Variants in UCHL1 observed in about 807,000 individuals in gnomAD.
UCHL1 encodes the protein ubiquitin C-terminal hydrolase L1.
A neutral mutation model predicts 33.3 loss-of-function variants in UCHL1; 5 were observed. The ratio of observed to expected loss-of-function variants is 0.15; its 90% CI spans 0.08 to 0.32. The LOEUF (loss-of-function observed/expected upper bound fraction) is 0.32, where lower values mean the gene tolerates loss of function less well. Among genes scored for constraint, UCHL1 ranks in the 10% least tolerant of loss-of-function variants. UCHL1 has a pLI of 1.00. For missense variants in UCHL1, 236 were observed against 280.0 expected, an observed-to-expected ratio of 0.84 and a Z score of 1.12; for synonymous variants, 132 against 108.8, an observed-to-expected ratio of 1.21 and a Z score of -1.33.
At chr4:41,257,839 A>T in intron 3 of UCHL1, 102 bp downstream of exon 3, 1 of 1,450,076 alleles carries the variant, frequency 6.9e-7, no homozygotes, top group Non-Finnish European at 9.1e-7. Context: ...CCTGTAGGTG[A>T]TGCGGGGCGC....
At chr4:41,262,064 A>C in intron 6 of UCHL1, 141 bp downstream of exon 6, 3 of 1,200,140 alleles carry the variant, frequency 2.5e-6, no homozygotes, top group Non-Finnish European at 3.6e-6. Flanking sequence ...TACCCAAATA[A>C]TGCTTTGACT....
At chr4:41,257,179 G>A (rs932541880) in intron 2 of UCHL1, 53 bp downstream of exon 2, 3 of 1,610,694 alleles carry the variant, frequency 1.9e-6, no homozygotes, top group African/African-American at 1.3e-5. Flanking sequence ...GCGCCGAGGC[G>A]GGGGCGCCCA....
At position 41,264,165 on chromosome 4, in the gene UCHL1, A is replaced by T. The variant is rs1781118595; in HGVS notation, c.585+4A>T. The T allele has an allele frequency of 3.7e-6, 6 of 1,614,174 alleles. No homozygotes were observed. The highest frequency in any genetic ancestry group is 4.5e-5 in the East Asian group (2 of 44,878). ...TTCAGAGGACACCCTGCTGAAGGTC[A>T]TCTTTGGAATGCATCTCTTCTTAAT... On this transcript the variant is annotated splice_donor_region_variant and intron_variant, in intron 8 of 8. Coordinates refer to ENST00000284440, the MANE Select transcript of UCHL1 (RefSeq NM_004181.5).
Position 41,268,035 on chromosome 4 carries a change from G to C in UCHL1, c.634G>C (p.Val212Leu), listed in dbSNP as rs778431309. The C allele has an allele frequency of 8.1e-6, 13 of 1,613,706 alleles. No individual in the cohort carries two copies. The highest frequency in any genetic ancestry group is 9.3e-6 in the Non-Finnish European group (11 of 1,179,866). ...REFTEREQGE[V>L]RFSAVALCKA... ...ATTCACCGAGCGTGAGCAAGGAGAA[G>C]TCCGCTTCTCTGCCGTGGCTCTCTG... Residue 212 changes from valine (V) to leucine (L), a missense_variant, in exon 9 of 9, where the codon GTC (valine) becomes CTC (leucine). Physicochemically the swap from Val to Leu is conservative, Grantham distance 32. Coordinates refer to ENST00000284440, the MANE Select transcript of UCHL1 (RefSeq NM_004181.5).
At chr4:41,261,289 A>G (rs534537294) in intron 4 of UCHL1, among the ~76,000 whole-genome samples, 79 of 152,354 alleles carry the variant, frequency 5.2e-4, no homozygotes, top group Non-Finnish European at 9.7e-4. Context: ...CGTCATGTAT[A>G]TAATAGATGT....
In UCHL1 at chr4:41,256,951, C is replaced by A. The variant is rs746877403; in HGVS notation, c.-26C>A. On this transcript the variant is annotated 5_prime_UTR_variant, in exon 1 of 9. Transcript: ENST00000284440. Reference sequence around the variant, plus strand: ...CTAGCTGTTTTTCGTCTTCCCTAGGCTATTTCTGCCGGGCGCTCCGCGAAG... The same window carrying A: ...CTAGCTGTTTTTCGTCTTCCCTAGGATATTTCTGCCGGGCGCTCCGCGAAG... 1.9e-6 allele frequency: 3 copies of A among 1,614,026 alleles called. No individual in the cohort carries two copies. Among genetic ancestry groups the A allele is most frequent in the Non-Finnish European group, 1.7e-6 (2 of 1,180,024 alleles).
chr4:41,267,305 G>A (rs1424193059), intron 8 of UCHL1, among the ~76,000 whole-genome samples: 2 of 151,910 alleles, frequency 1.3e-5, no homozygotes, highest in African/African-American at 2.4e-5. Context: ...GTGTAGTGGC[G>A]CGATCTCGCC....
chr4:41,259,945 C>T (rs1349177460), intron 3 of UCHL1, among the ~76,000 whole-genome samples: 3 of 152,142 alleles, frequency 2.0e-5, no homozygotes, highest in Non-Finnish European at 2.9e-5. Flanking sequence ...TTTCCTAGTC[C>T]GATTCATTTA....
At chr4:41,259,007 C>T (rs1338992687) in intron 3 of UCHL1, among the ~76,000 whole-genome samples, 1 of 152,180 alleles carries the variant, frequency 6.6e-6, no homozygotes, top group Non-Finnish European at 1.5e-5. Flanking sequence ...GGCAAGGCCT[C>T]TGGGAGGCAG....
At chr4:41,261,563 G>T (rs765923665) in intron 4 of UCHL1, 152 bp from the exon 5 acceptor site, 3 of 775,784 alleles carry the variant, frequency 3.9e-6, no homozygotes, top group Non-Finnish European at 6.3e-6. Flanking sequence ...AGAAAAAGAG[G>T]CTAGGGGAAA....
chr4:41,262,127 C>T (rs1193503023), intron 6 of UCHL1, among the ~76,000 whole-genome samples: 1 of 152,152 alleles, frequency 6.6e-6, no homozygotes, highest in South Asian at 2.1e-4. Context: ...TCATTGAAGT[C>T]TTGAGTAAAT....
At position 41,268,242 on chromosome 4, in the gene UCHL1, T is replaced by C; in HGVS notation, c.*169T>C. 2 of 675,028 alleles carry C rather than the reference T, an allele frequency of 3.0e-6. No individual in the cohort carries two copies. Among genetic ancestry groups the C allele is most frequent in the South Asian group, 1.7e-5 (1 of 58,358 alleles). The allele number at this position is 675,028 out of a possible 1,614,324, so 41.8% of individuals were successfully genotyped here. Reference sequence around the variant, plus strand: ...CCCAGGCACTTAAGCACAAGCAGAGTGCACAGCTGTCCACTGGGCCATTGT... The same window carrying C: ...CCCAGGCACTTAAGCACAAGCAGAGCGCACAGCTGTCCACTGGGCCATTGT... On this transcript the variant is annotated 3_prime_UTR_variant, in exon 9 of 9. Coordinates refer to ENST00000284440, the MANE Select transcript of UCHL1 (RefSeq NM_004181.5).
At chr4:41,266,355 A>T (rs1340305400) in intron 8 of UCHL1, among the ~76,000 whole-genome samples, 1 of 151,622 alleles carries the variant, frequency 6.6e-6, no homozygotes, top group Admixed American at 6.6e-5. Context: ...ATGGTTAAGG[A>T]TGTTTTAGGT....
Position 41,259,116 on chromosome 4 carries a change from A to T in UCHL1, c.174+1379A>T, listed in dbSNP as rs2060914. ...TGTGTTATGTTTGAAAGAGCTCGATACTTTGTCCTTTAGTTTCAATTCAAC... is the reference window on the plus strand; with the variant it reads ...TGTGTTATGTTTGAAAGAGCTCGATTCTTTGTCCTTTAGTTTCAATTCAAC... On this transcript the variant is annotated intron_variant, in intron 3 of 8. Coordinates refer to ENST00000284440, the MANE Select transcript of UCHL1 (RefSeq NM_004181.5). 9.3e-3 allele frequency among the ~76,000 whole-genome samples: 1,421 copies of T among 152,320 alleles called. 24 individuals are homozygous for T. Among genetic ancestry groups the T allele is most frequent in the African/African-American group, 0.032 (1,338 of 41,574 alleles).
chr4:41,259,531 G>T (rs188196516), intron 3 of UCHL1, among the ~76,000 whole-genome samples: 1 of 152,298 alleles, frequency 6.6e-6, no homozygotes, highest in East Asian at 1.9e-4. Context: ...ATCTTCTGGG[G>T]TAAGAGATCT....
At chr4:41,261,153 A>G (rs1349015757) in intron 4 of UCHL1, among the ~76,000 whole-genome samples, 1 of 152,108 alleles carries the variant, frequency 6.6e-6, no homozygotes, top group Non-Finnish European at 1.5e-5. Context: ...ATGCTGGACT[A>G]TTTTGTTTCT....
intron 6 of UCHL1, 70 bp from the exon 7 acceptor site, chr4:41,263,155 A>T: frequency 8.3e-7 from 1 of 1,210,356 alleles, no homozygotes; most frequent in Non-Finnish European, 1.2e-6. Flanking sequence ...AGCACATTTC[A>T]CTTGAATTGC....
chr4:41,262,969 ATAGT>A lies in UCHL1; in HGVS notation c.460-252_460-249del, dbSNP rs148721279. Among the ~76,000 whole-genome samples the A allele has an allele frequency of 0.054, 8,258 of 152,190 alleles. 317 individuals carry two copies. The highest frequency in any genetic ancestry group is 0.086 in the Non-Finnish European group (5,877 of 67,974). On this transcript the variant is annotated intron_variant, in intron 6 of 8. Coordinates refer to ENST00000284440, the MANE Select transcript of UCHL1 (RefSeq NM_004181.5). ...CTTTCTAGCATTGACCTTGGTTGAGATAGTTAGCCTCTCTAAGCCTCAATTTTCT... is the reference window on the plus strand; with the variant it reads ...CTTTCTAGCATTGACCTTGGTTGAGATAGCCTCTCTAAGCCTCAATTTTCT...
chr4:41,266,092 G>A (rs1781148102), intron 8 of UCHL1, among the ~76,000 whole-genome samples: 1 of 152,138 alleles, frequency 6.6e-6, no homozygotes, highest in African/African-American at 2.4e-5. Context: ...TAAAATTTTT[G>A]TATAGAGATG....
Sources: allele counts gnomAD v4.1 joint callset (sites outside exome capture counted in the v4.1 genomes callset), GRCh38; gene constraint gnomAD v4.1.1; transcripts MANE v1.5; gene names NCBI Gene and HGNC (gene_info 2026-07-23, HGNC 2026-07-21).